The following CTNNBL1 variants were observed in gnomAD, a reference collection of about 807,000 sequenced individuals.
The protein encoded by CTNNBL1 is catenin beta like 1.
In CTNNBL1, 31 loss-of-function variants were observed where a neutral mutation model predicts 72.7. That is an observed-to-expected ratio of 0.43 (90% CI 0.32 to 0.58). The LOEUF is 0.58. Ranked by LOEUF, CTNNBL1 falls within the 20% of genes least tolerant of loss-of-function variation. The pLI is 0.08. For missense variants in CTNNBL1, 534 were observed against 725.1 expected, an observed-to-expected ratio of 0.74 and a Z score of 3.03; for synonymous variants, 240 against 267.3, an observed-to-expected ratio of 0.90 and a Z score of 1.00.
chr20:37,748,930 A>G (rs919250592), intron 4 of CTNNBL1, among the ~76,000 whole-genome samples: 10 of 152,244 alleles, frequency 6.6e-5, no homozygotes, highest in Non-Finnish European at 1.3e-4. Flanking sequence ...TATTCTGGGC[A>G]CTAATGGTGT....
chr20:37,701,064 ATC>A (rs2072837475), intron 1 of CTNNBL1, among the ~76,000 whole-genome samples: 1 of 152,198 alleles, frequency 6.6e-6, no homozygotes, highest in Admixed American at 6.5e-5. Context: ...TCCTAATTCA[ATC>A]AATATTTTTC....
intron 11 of CTNNBL1, 30 bp downstream of exon 11, chr20:37,803,078 T>G: frequency 6.3e-7 from 1 of 1,588,674 alleles, no homozygotes; most frequent in Non-Finnish European, 8.6e-7. Flanking sequence ...TCAGCCTAAT[T>G]TAGGTGCATT....
At chr20:37,863,745 C>T (rs187776273) in intron 15 of CTNNBL1, among the ~76,000 whole-genome samples, 17 of 152,208 alleles carry the variant, frequency 1.1e-4, no homozygotes, top group African/African-American at 3.1e-4. Context: ...CAGCAGACAG[C>T]GGACATTCTC....
chr20:37,846,478 G>A (rs1475671164), intron 13 of CTNNBL1, among the ~76,000 whole-genome samples: 1 of 152,180 alleles, frequency 6.6e-6, no homozygotes, highest in Admixed American at 6.5e-5. Flanking sequence ...GTCCCAGTTT[G>A]TGTACTTTGA....
chr20:37,829,124 G>A (rs1208733326), intron 11 of CTNNBL1, among the ~76,000 whole-genome samples: 1 of 152,162 alleles, frequency 6.6e-6, no homozygotes, highest in Admixed American at 6.5e-5. Context: ...CAGGGGGCAG[G>A]TGGGTGGCAA....
rs750953784 is a variant in CTNNBL1, at chr20:37,859,989, C to T, written c.1483C>T (p.His495Tyr). 1 of 1,613,884 alleles carries T rather than the reference C, an allele frequency of 6.2e-7. No homozygotes were observed. The highest frequency in any genetic ancestry group is 1.3e-5 in the African/African-American group (1 of 74,828). ...GGATGCGGGGCTCTTTGTTCTCCAG[C>T]ACATCTGCTACATCATGGCCGAGAT... ...RLDAGLFVLQHICYIMAEICN... is the reference protein window; with the variant it reads ...RLDAGLFVLQYICYIMAEICN... The change falls in exon 14 of 16, where the codon CAC becomes TAC. Residue 495 changes from histidine to tyrosine, a missense_variant. His to Tyr is a moderately conservative substitution (Grantham distance 83). Transcript: ENST00000361383.
At chr20:37,781,159 T>C (rs2073622166) in intron 10 of CTNNBL1, among the ~76,000 whole-genome samples, 1 of 152,192 alleles carries the variant, frequency 6.6e-6, no homozygotes, top group Non-Finnish European at 1.5e-5. Context: ...TTTGTTTATC[T>C]CCCTTACCCT....
intron 10 of CTNNBL1, 38 bp downstream of exon 10, chr20:37,779,373 C>T (rs2073605985): frequency 1.2e-6 from 2 of 1,604,192 alleles, no homozygotes; most frequent in Non-Finnish European, 1.7e-6. Context: ...ACCTTTTTTG[C>T]CTGACTTTTC....
chr20:37,707,106 A>G (rs760262517), intron 1 of CTNNBL1, among the ~76,000 whole-genome samples: 29 of 152,242 alleles, frequency 1.9e-4, no homozygotes, highest in Non-Finnish European at 2.6e-4. Context: ...TTGTTATTCC[A>G]TTTCTAGAAC....
intron 15 of CTNNBL1, among the ~76,000 whole-genome samples, chr20:37,864,640 G>A (rs976943776): frequency 6.6e-6 from 1 of 152,180 alleles, no homozygotes; most frequent in Non-Finnish European, 1.5e-5. Context: ...AGGACTGTGG[G>A]CCCTCCTAGG....
intron 4 of CTNNBL1, among the ~76,000 whole-genome samples, chr20:37,748,743 C>G (rs1273458222): frequency 6.6e-6 from 1 of 152,200 alleles, no homozygotes; most frequent in East Asian, 1.9e-4. Flanking sequence ...GCTGTTTTCT[C>G]ACTGCGTCCT....
chr20:37,842,233 G>C, intron 12 of CTNNBL1, 106 bp from the exon 13 acceptor site: 1 of 772,734 alleles, frequency 1.3e-6, no homozygotes. Context: ...GCCAGAGCGG[G>C]TCTCCCTTTG....
chr20:37,756,640 T>G (rs1033712012), intron 4 of CTNNBL1, among the ~76,000 whole-genome samples: 1 of 148,770 alleles, frequency 6.7e-6, no homozygotes, highest in Non-Finnish European at 1.5e-5. Flanking sequence ...TTTCTTTTTT[T>G]TTTTTTTTTT....
intron 2 of CTNNBL1, 129 bp downstream of exon 2, chr20:37,733,196 C>T (rs1022023052): frequency 1.7e-5 from 13 of 779,984 alleles, no homozygotes; most frequent in South Asian, 3.7e-5. Flanking sequence ...CATATTTCAT[C>T]GCGTTAATGT....
rs1255954537 is a variant in CTNNBL1, at chr20:37,737,359, A to G, written c.220-19A>G. ...AACCCCTGTGGACTGAAGTTTTTGC[A>G]TTTGTCTCTTTGTACCAGGAGGAGC... On this transcript the variant is annotated intron_variant, in intron 2 of 15. Transcript: ENST00000361383. The G allele has an allele frequency of 1.3e-6, 2 of 1,589,154 alleles. No individual in the cohort carries two copies. Among genetic ancestry groups the G allele is most frequent in the African/African-American group, 1.3e-5 (1 of 74,162 alleles).
At chr20:37,809,964 A>G (rs1297217497) in intron 11 of CTNNBL1, among the ~76,000 whole-genome samples, 2 of 152,286 alleles carry the variant, frequency 1.3e-5, no homozygotes, top group Middle Eastern at 3.4e-3. Context: ...TGAGTTAACC[A>G]ATTTATGGTT....
intron 7 of CTNNBL1, among the ~76,000 whole-genome samples, chr20:37,771,948 A>C (rs901700825): frequency 6.6e-6 from 1 of 151,874 alleles, no homozygotes; most frequent in East Asian, 1.9e-4. Context: ...TATACTGCCC[A>C]CTTTCTTTTA....
intron 10 of CTNNBL1, among the ~76,000 whole-genome samples, chr20:37,797,109 A>T (rs887155887): frequency 1.3e-5 from 2 of 151,878 alleles, no homozygotes; most frequent in East Asian, 3.9e-4. Context: ...TTATTTATTT[A>T]TTTTTTGTTT....
At chr20:37,725,747 A>G (rs6067437) in intron 1 of CTNNBL1, among the ~76,000 whole-genome samples, 151,689 of 151,690 alleles carry the variant, frequency 1, 75,844 homozygotes, top group Middle Eastern at 1. Flanking sequence ...ACTTTGGGAG[A>G]CCGAGGCAGG....
Sources: gnomAD v4.1 joint callset for allele counts (sites outside exome capture counted in the v4.1 genomes callset) on GRCh38, gnomAD v4.1.1 for gene constraint, MANE v1.5 for transcripts, NCBI Gene and HGNC (gene_info 2026-07-23, HGNC 2026-07-21) for gene names.